ANGPT1: variants seen among roughly 807,000 people sequenced by gnomAD.
The protein encoded by ANGPT1 is angiopoietin-1.
In ANGPT1, 17 loss-of-function variants were observed where a neutral mutation model predicts 62.2. The observed-to-expected ratio is 0.27, with a 90% CI of 0.19 to 0.41. ANGPT1 has a LOEUF of 0.41. Ranked by LOEUF, ANGPT1 falls within the 10% of genes least tolerant of loss-of-function variation. The pLI, the probability that ANGPT1 is intolerant of heterozygous loss-of-function variation, is 1.00. For synonymous variants in ANGPT1, 199 were observed against 198.9 expected, an observed-to-expected ratio of 1.00 and a Z score of 0.00; for missense variants, 478 against 594.9, an observed-to-expected ratio of 0.80 and a Z score of 2.04.
chr8:107,470,711 A>G (rs1196707357), intron 1 of ANGPT1, among the ~76,000 whole-genome samples: 1 of 152,150 alleles, frequency 6.6e-6, no homozygotes, highest in Non-Finnish European at 1.5e-5. Flanking sequence ...AAAAAAACAA[A>G]CAACCCCATC....
At chr8:107,381,557 A>G (rs72672570) in intron 1 of ANGPT1, among the ~76,000 whole-genome samples, 11,990 of 152,200 alleles carry the variant, frequency 0.079, 622 homozygotes, top group Non-Finnish European at 0.12. Context: ...AAGAGGAATT[A>G]TACTCATGAA....
intron 1 of ANGPT1, among the ~76,000 whole-genome samples, chr8:107,396,636 T>C (rs1053977388): frequency 1.3e-5 from 2 of 150,452 alleles, no homozygotes; most frequent in African/African-American, 4.9e-5. Flanking sequence ...TCTTCATGCT[T>C]CAGCCTCCCA....
At chr8:107,300,586 A>G (rs1335466526) in intron 5 of ANGPT1, among the ~76,000 whole-genome samples, 1 of 151,832 alleles carries the variant, frequency 6.6e-6, no homozygotes, top group African/African-American at 2.4e-5. Context: ...CTGACCAGGT[A>G]ATATTGGAAC....
At chr8:107,377,979 G>A (rs1816562152) in intron 1 of ANGPT1, among the ~76,000 whole-genome samples, 1 of 152,088 alleles carries the variant, frequency 6.6e-6, no homozygotes, top group Admixed American at 6.6e-5. Context: ...ATACACTGCA[G>A]CTTAAGATAT....
At chr8:107,375,798 A>G (rs1816519830) in intron 1 of ANGPT1, among the ~76,000 whole-genome samples, 1 of 152,198 alleles carries the variant, frequency 6.6e-6, no homozygotes, top group Non-Finnish European at 1.5e-5. Context: ...AGCATGAGAA[A>G]CACTGAGAAG....
chr8:107,427,379 C>T (rs1310857604), intron 1 of ANGPT1, among the ~76,000 whole-genome samples: 1 of 152,140 alleles, frequency 6.6e-6, no homozygotes, highest in Non-Finnish European at 1.5e-5. Context: ...TGCATCAGAG[C>T]CAGCTCTTGT....
intron 4 of ANGPT1, among the ~76,000 whole-genome samples, chr8:107,309,318 C>A (rs1254330668): frequency 1.3e-5 from 2 of 152,058 alleles, no homozygotes; most frequent in African/African-American, 4.8e-5. Flanking sequence ...AGAAATTGAC[C>A]CTGAACCTGT....
At chr8:107,398,117 T>C (rs1816970663) in intron 1 of ANGPT1, among the ~76,000 whole-genome samples, 1 of 152,172 alleles carries the variant, frequency 6.6e-6, no homozygotes, top group Admixed American at 6.5e-5. Flanking sequence ...CTCTGGATGA[T>C]TTGTATGTAT....
At chr8:107,332,680 G>A (rs1453576037) in intron 3 of ANGPT1, among the ~76,000 whole-genome samples, 2 of 152,194 alleles carry the variant, frequency 1.3e-5, no homozygotes, top group Non-Finnish European at 2.9e-5. Flanking sequence ...CTAAGGGCCA[G>A]CTCACTGACT....
intron 6 of ANGPT1, among the ~76,000 whole-genome samples, chr8:107,287,688 A>G (rs1280024810): frequency 3.3e-5 from 5 of 152,190 alleles, no homozygotes; most frequent in Non-Finnish European, 7.3e-5. Flanking sequence ...CAGATCTGAT[A>G]TGTAGGACAA....
chr8:107,337,005 A>G (rs1040552694), intron 2 of ANGPT1, among the ~76,000 whole-genome samples: 1 of 152,208 alleles, frequency 6.6e-6, no homozygotes, highest in African/African-American at 2.4e-5. Flanking sequence ...CTCTTGACAT[A>G]GTTTAGAAAG....
intron 1 of ANGPT1, among the ~76,000 whole-genome samples, chr8:107,437,168 T>C (rs948832049): frequency 3.3e-5 from 5 of 152,178 alleles, no homozygotes; most frequent in African/African-American, 1.2e-4. Context: ...TAAATACATA[T>C]TTTTGGTTGT....
chr8:107,357,189 T>C (rs1227688001), intron 1 of ANGPT1, among the ~76,000 whole-genome samples: 3 of 152,188 alleles, frequency 2.0e-5, no homozygotes, highest in South Asian at 4.1e-4. Flanking sequence ...CTTCAGAAAA[T>C]GCCCATTAAT....
chr8:107,402,709 A>G (rs1817069841), intron 1 of ANGPT1, among the ~76,000 whole-genome samples: 1 of 152,196 alleles, frequency 6.6e-6, no homozygotes, highest in African/African-American at 2.4e-5. Flanking sequence ...GATGGGTAGC[A>G]TATACCTCTT....
At chr8:107,494,428 A>C (rs1317961396) in intron 1 of ANGPT1, 1 of 152,144 alleles carries the variant, frequency 6.6e-6, no homozygotes, top group Non-Finnish European at 1.5e-5. Flanking sequence ...TAATAATTCC[A>C]AAAAGAGCTG....
rs1816454151 is a variant in ANGPT1 at position 107,373,280 on chromosome 8, T to TTC, written c.298-26184_298-26183insGA. On this transcript the variant is annotated intron_variant, in intron 1 of 8. Transcript: ENST00000517746. ...GTCAAGTACAAAATAGATTTTTTTT[T>TTC]TTTTGAATTAGAGAGTGTATTTGGA... is the stretch of plus-strand genomic sequence containing the variant. Among the ~76,000 whole-genome samples the TTC allele has an allele frequency of 6.6e-5, 10 of 152,308 alleles. No individual in the cohort carries two copies. In the South Asian group the frequency reaches 2.1e-3, roughly 32 times the overall value.
chr8:107,456,695 T>C lies in ANGPT1; in HGVS notation c.297+40567A>G, dbSNP rs1264574979. 2.6e-5 allele frequency among the ~76,000 whole-genome samples: 4 copies of C among 152,206 alleles called. No homozygotes were observed. The East Asian group carries it at 7.7e-4, about 29-fold the overall frequency. ...TGTTAAATGTGACCTTTTACTTTAG[T>C]GGCATTTTTCTAAAATACAAGTCTC... On this transcript the variant is annotated intron_variant, in intron 1 of 8. Coordinates refer to ENST00000517746, the MANE Select transcript of ANGPT1 (RefSeq NM_001146.5).
chr8:107,370,553 T>A (rs1414721868), intron 1 of ANGPT1, among the ~76,000 whole-genome samples: 1 of 9,162 alleles, frequency 1.1e-4, no homozygotes, highest in African/African-American at 4.8e-4. Context: ...AATAAAAAAA[T>A]TAGCCGGGCA....
chr8:107,495,925 T>G (rs186071652), intron 1 of ANGPT1, among the ~76,000 whole-genome samples: 12 of 152,316 alleles, frequency 7.9e-5, no homozygotes, highest in Non-Finnish European at 1.3e-4. Context: ...AATATCAGCT[T>G]TGGAAACTGT....
Sources: gnomAD v4.1 joint callset for allele counts (sites outside exome capture counted in the v4.1 genomes callset) on GRCh38, gnomAD v4.1.1 for gene constraint, MANE v1.5 for transcripts, NCBI Gene and HGNC (gene_info 2026-07-23, HGNC 2026-07-21) for gene names.